DNAH5: variants seen among roughly 807,000 people sequenced by gnomAD.
DNAH5 encodes the protein axonemal beta dynein heavy chain 5.
DNAH5 carries 372 observed loss-of-function variants against 518.2 expected under a neutral mutation model. The observed-to-expected ratio is 0.72, with a 90% CI of 0.66 to 0.78. The LOEUF is 0.78. Ranked by LOEUF, DNAH5 falls within the 30% of genes least tolerant of loss-of-function variation. The probability of loss-of-function intolerance (pLI) is 0.00; values close to 1 mark genes in which losing one functional copy is unlikely to be tolerated. For missense variants in DNAH5, 5,523 were observed against 5,687.0 expected (o/e 0.97, Z 0.93); for synonymous variants, 2,039 against 2,025.9 (o/e 1.01, Z -0.17).
rs991888427 is a variant in DNAH5 at position 13,749,772 on chromosome 5, C to G, written c.11211+1306G>C. On this transcript the variant is annotated intron_variant, in intron 65 of 78. Coordinates refer to ENST00000265104, the MANE Select transcript of DNAH5 (RefSeq NM_001369.3). ...ACTTCCACTTGCTCCAGGTCACATG[C>G]TATTGCTCAAGAATCCCAGTCCCGC... Among the ~76,000 whole-genome samples, 3 of 152,176 alleles carry G rather than the reference C, an allele frequency of 2.0e-5. No homozygotes were observed. In the East Asian group the frequency reaches 5.8e-4, roughly 29 times the overall value.
At chr5:13,746,982 G>A (rs925127936) in intron 65 of DNAH5, among the ~76,000 whole-genome samples, 2 of 151,934 alleles carry the variant, frequency 1.3e-5, no homozygotes, top group African/African-American at 4.8e-5. Flanking sequence ...TTGGTGTGCT[G>A]CACCCATTAA....
chr5:13,800,272 C>T (rs926772497), intron 47 of DNAH5, among the ~76,000 whole-genome samples: 2 of 152,206 alleles, frequency 1.3e-5, no homozygotes, highest in African/African-American at 4.8e-5. Context: ...TGCTCTACTC[C>T]TTTGGATAGC....
Position 13,839,314 on chromosome 5 carries a change from G to T in DNAH5, c.5882+42C>A, listed in dbSNP as rs112514593. ...AGCAAAAATCCCCTGAGCAACTCGA[G>T]AGAATAAAAATGGTGGGGGTTGGGG... is the stretch of plus-strand genomic sequence containing the variant. On this transcript the variant is annotated intron_variant, in intron 35 of 78. Transcript: ENST00000265104. The T allele has an allele frequency of 4.6e-4, 738 of 1,596,392 alleles. 6 individuals are homozygous for T. The African/African-American group carries it at 7.5e-3, about 16-fold the overall frequency.
At position 13,711,679 on chromosome 5, in the gene DNAH5, A is replaced by G. The variant is rs117237845; in HGVS notation, c.13125+2726T>C. Among the ~76,000 whole-genome samples, 125 of 152,378 alleles carry G rather than the reference A, an allele frequency of 8.2e-4. 1 individual carries two copies. The East Asian group carries it at 0.017, about 21-fold the overall frequency. On this transcript the variant is annotated intron_variant, in intron 75 of 78. Transcript: ENST00000265104. ...CAAGAAATCAGCAAAGTTTCTAGAT[A>G]CAAGATTAATGTACACAAATCACAA...
rs966453898 is a variant in DNAH5, at chr5:13,824,117, T to A, written c.6579+82A>T. On this transcript the variant is annotated intron_variant, in intron 39 of 78. Transcript: ENST00000265104. The stretch of plus-strand genomic sequence containing the variant: ...AGGCATTTTAAATGAGCATTTTAAA[T>A]AAATATTTTGAAGTCTCATGTATGG... 26 of 1,358,798 alleles carry A rather than the reference T, an allele frequency of 1.9e-5. No homozygotes were observed. In the Admixed American group the frequency reaches 3.5e-4, roughly 18 times the overall value. 84.2% of individuals were successfully genotyped at this position (1,358,798 alleles called of 1,614,324 possible).
intron 31 of DNAH5, among the ~76,000 whole-genome samples, chr5:13,846,710 G>A (rs560314772): frequency 3.9e-5 from 6 of 152,326 alleles, no homozygotes; most frequent in South Asian, 4.1e-4. Flanking sequence ...GCCTGGGCAT[G>A]TGGGTTGAAA....
chr5:13,769,787 AC>A (rs1237172446), intron 56 of DNAH5, among the ~76,000 whole-genome samples, 172 bp from the exon 57 acceptor site: 5 of 152,354 alleles, frequency 3.3e-5, no homozygotes, highest in Admixed American at 3.3e-4. Context: ...TTGACTCTAG[AC>A]TGATAACATG....
intron 55 of DNAH5, 117 bp downstream of exon 55, chr5:13,776,322 C>T: frequency 7.3e-7 from 1 of 1,377,790 alleles, no homozygotes. Context: ...TGTGCCTTCC[C>T]ATGACATCCT....
Position 13,829,383 on chromosome 5 carries a change from C to G in DNAH5, c.6444+127G>C, listed in dbSNP as rs1039188722. 4 of 855,368 alleles carry G rather than the reference C, an allele frequency of 4.7e-6. No individual in the cohort carries two copies. The African/African-American group carries it at 5.2e-5, about 11-fold the overall frequency. The allele number at this position is 855,368 out of a possible 1,614,324, so 53.0% of individuals were successfully genotyped here. On this transcript the variant is annotated intron_variant, in intron 38 of 78. Coordinates refer to ENST00000265104, the MANE Select transcript of DNAH5 (RefSeq NM_001369.3). Reference sequence around the variant, plus strand: ...TAAAATTATTTTTGTAGTAATACACCTTTCTACTCAGTGTCAATAAAATCC... The same window carrying G: ...TAAAATTATTTTTGTAGTAATACACGTTTCTACTCAGTGTCAATAAAATCC...
At chr5:13,791,586 TATAAAG>T (rs1561268946) in intron 50 of DNAH5, among the ~76,000 whole-genome samples, 1 of 152,320 alleles carries the variant, frequency 6.6e-6, no homozygotes, top group East Asian at 1.9e-4. Flanking sequence ...GAATATTTAT[TATAAAG>T]ATAATTACTT....
At chr5:13,696,105 T>C (rs1327634809) in intron 78 of DNAH5, among the ~76,000 whole-genome samples, 2 of 152,132 alleles carry the variant, frequency 1.3e-5, no homozygotes, top group East Asian at 1.9e-4. Flanking sequence ...CAGACGGTGT[T>C]CTTAGATACA....
At chr5:13,950,612 A>T (rs923616483) in intron 1 of DNAH5, among the ~76,000 whole-genome samples, 7 of 152,080 alleles carry the variant, frequency 4.6e-5, no homozygotes, top group African/African-American at 1.7e-4. Flanking sequence ...GCTTTCTGAA[A>T]TTTTTCTCCC....
At chr5:13,893,402 A>T (rs1005278572) in intron 16 of DNAH5, among the ~76,000 whole-genome samples, 2 of 152,172 alleles carry the variant, frequency 1.3e-5, no homozygotes, top group Non-Finnish European at 2.9e-5. Flanking sequence ...ATATAAAATT[A>T]TTGCTATTAT....
intron 25 of DNAH5, among the ~76,000 whole-genome samples, chr5:13,866,773 A>G (rs1013236732): frequency 2.0e-5 from 3 of 152,106 alleles, no homozygotes; most frequent in Non-Finnish European, 4.4e-5. Context: ...CAATCTTCTA[A>G]CTTGATTAAT....
chr5:13,701,465 T>G, intron 76 of DNAH5, 29 bp from the exon 77 acceptor site: 1 of 1,590,836 alleles, frequency 6.3e-7, no homozygotes, highest in African/African-American at 1.3e-5. Flanking sequence ...AACAATTAAT[T>G]GATGTAAGTT....
At chr5:13,737,966 A>G (rs2126625516) in intron 65 of DNAH5, among the ~76,000 whole-genome samples, 1 of 152,148 alleles carries the variant, frequency 6.6e-6, no homozygotes, top group East Asian at 1.9e-4. Context: ...GGGAAGCTGA[A>G]GCAGGAGAAT....
intron 65 of DNAH5, among the ~76,000 whole-genome samples, chr5:13,746,735 C>A (rs946249518): frequency 6.6e-6 from 1 of 152,070 alleles, no homozygotes; most frequent in African/African-American, 2.4e-5. Flanking sequence ...AGGCAATACG[C>A]TCATGACTCT....
intron 65 of DNAH5, among the ~76,000 whole-genome samples, chr5:13,741,323 T>C (rs1561152672): frequency 6.6e-6 from 1 of 152,162 alleles, no homozygotes; most frequent in Non-Finnish European, 1.5e-5. Context: ...CTGCGGACAT[T>C]CGAGGAAAGG....
At chr5:13,767,426 G>A (rs1362915898) in intron 58 of DNAH5, among the ~76,000 whole-genome samples, 2 of 152,252 alleles carry the variant, frequency 1.3e-5, no homozygotes, top group African/African-American at 2.4e-5. Flanking sequence ...TGCCCAGCCT[G>A]TTTTAATATA....
Sources: allele counts gnomAD v4.1 joint callset (sites outside exome capture counted in the v4.1 genomes callset), GRCh38; gene constraint gnomAD v4.1.1; transcripts MANE v1.5; gene names NCBI Gene and HGNC (gene_info 2026-07-23, HGNC 2026-07-21).